HNF4A: variants seen among roughly 807,000 people sequenced by gnomAD.
The protein encoded by HNF4A is hepatocyte nuclear factor 4-alpha.
HNF4A carries 15 observed loss-of-function variants against 52.4 expected under a neutral mutation model. The ratio of observed to expected loss-of-function variants is 0.29; its 90% CI spans 0.19 to 0.44. The LOEUF (loss-of-function observed/expected upper bound fraction) is 0.44, where lower values mean the gene tolerates loss of function less well. Ranked by LOEUF, HNF4A falls within the 20% of genes least tolerant of loss-of-function variation. HNF4A has a pLI of 1.00. For missense variants in HNF4A, 479 were observed against 647.2 expected, an observed-to-expected ratio of 0.74 and a Z score of 2.82; for synonymous variants, 280 against 264.4, an observed-to-expected ratio of 1.06 and a Z score of -0.57.
In HNF4A at chr20:44,420,480, T is replaced by A. The variant is rs180915059; in HGVS notation, c.892+604T>A. Reference sequence around the variant, plus strand: ...TTTGCTTCTTTTCCTCAAAAAAATTTATCAAAATAATATCTAGAACCGGAT... The same window carrying A: ...TTTGCTTCTTTTCCTCAAAAAAATTAATCAAAATAATATCTAGAACCGGAT... On this transcript the variant is annotated intron_variant, in intron 7 of 9. Coordinates refer to ENST00000316099, the MANE Select transcript of HNF4A (RefSeq NM_000457.6). 5.9e-5 allele frequency among the ~76,000 whole-genome samples: 9 copies of A among 151,616 alleles called. No homozygotes were observed. In the East Asian group the frequency reaches 1.6e-3, roughly 27 times the overall value.
chr20:44,421,638 C>A (rs890689781), intron 7 of HNF4A, among the ~76,000 whole-genome samples: 1 of 151,824 alleles, frequency 6.6e-6, no homozygotes, highest in African/African-American at 2.4e-5. Flanking sequence ...CCTGTAATCC[C>A]AGCTACTCAG....
At position 44,432,811 on chromosome 20, in the gene HNF4A, TATAAAACAAA is replaced by T. The variant is rs2063894289; in HGVS notation, c.*3152_*3161del. The T allele has an allele frequency of 6.6e-6, 1 of 152,192 alleles. No individual in the cohort carries two copies. Among genetic ancestry groups the T allele is most frequent in the African/African-American group, 2.4e-5 (1 of 41,452 alleles). The allele number at this position is 152,192 out of a possible 1,614,324, so 9.4% of individuals were successfully genotyped here. A position where few individuals can be genotyped will look rare whatever the true frequency, so the allele number is the denominator to read the frequency against. ...ACTCTTCTGTGTTTTAACAAAAGTT[TATAAAACAAA>T]ATAAATGGCGCATATGTTTTCTAAG... On this transcript the variant is annotated 3_prime_UTR_variant, in exon 10 of 10. Transcript: ENST00000316099.
At chr20:44,369,257 A>AAAAC (rs1257200520) in intron 1 of HNF4A, among the ~76,000 whole-genome samples, 8 of 146,124 alleles carry the variant, frequency 5.5e-5, no homozygotes, top group African/African-American at 1.8e-4. Flanking sequence ...CTCAAAAAAA[A>AAAAC]AAAAAAAAAA....
intron 3 of HNF4A, among the ~76,000 whole-genome samples, chr20:44,409,516 G>C (rs2063550841): frequency 6.6e-6 from 1 of 152,214 alleles, no homozygotes; most frequent in Admixed American, 6.5e-5. Flanking sequence ...CTCTCTCACA[G>C]TGAAAGTTCA....
upstream of HNF4A, among the ~76,000 whole-genome samples, chr20:44,400,141 C>G (rs2063389566): frequency 6.6e-6 from 1 of 152,176 alleles, no homozygotes; most frequent in African/African-American, 2.4e-5. Context: ...CCGTCCAAAA[C>G]AAAAATGCAC....
chr20:44,423,713 G>T (rs541890640), intron 7 of HNF4A, among the ~76,000 whole-genome samples: 32 of 152,314 alleles, frequency 2.1e-4, no homozygotes, highest in African/African-American at 7.5e-4. Context: ...GGGTTTCCCC[G>T]TGTGTAAGAT....
At chr20:44,358,637 CAA>C (rs1181190162) in intron 1 of HNF4A, among the ~76,000 whole-genome samples, 1 of 150,054 alleles carries the variant, frequency 6.7e-6, no homozygotes, top group East Asian at 2.0e-4. Context: ...AACAAAAAAA[CAA>C]AAAACAAACA....
upstream of HNF4A, chr20:44,401,178 C>A (rs185531126): frequency 9.8e-5 from 144 of 1,467,316 alleles, no homozygotes; most frequent in African/African-American, 1.8e-3. Flanking sequence ...TAACCATTAA[C>A]CCCCACCCCT....
chr20:44,405,951 C>T, intron 1 of HNF4A, 107 bp from the exon 2 acceptor site: 4 of 1,085,700 alleles, frequency 3.7e-6, no homozygotes, highest in Non-Finnish European at 2.8e-6. Flanking sequence ...GGGAACAGCC[C>T]CCAGATCTGG....
chr20:44,426,050 C>T (rs984873991), intron 8 of HNF4A, among the ~76,000 whole-genome samples: 38 of 152,044 alleles, frequency 2.5e-4, no homozygotes, highest in African/African-American at 7.7e-4. Flanking sequence ...TGCTCAAGCA[C>T]AAGATTAAAG....
rs1392553735 is a variant in HNF4A, at chr20:44,429,716, G to A, written c.*51G>A. ...ACTGGCTCCCCCCAGCCCCCTAAGAGAGCACCTGGTGATCACGTGGTCACG... is the reference window on the plus strand; with the variant it reads ...ACTGGCTCCCCCCAGCCCCCTAAGAAAGCACCTGGTGATCACGTGGTCACG... On this transcript the variant is annotated 3_prime_UTR_variant, in exon 10 of 10. Coordinates refer to ENST00000316099, the MANE Select transcript of HNF4A (RefSeq NM_000457.6). The A allele has an allele frequency of 6.3e-7, 1 of 1,583,872 alleles. No homozygotes were observed. Among genetic ancestry groups the A allele is most frequent in the South Asian group, 1.1e-5 (1 of 90,442 alleles).
intron 1 of HNF4A, among the ~76,000 whole-genome samples, chr20:44,363,461 T>A (rs981045596): frequency 2.6e-5 from 4 of 152,080 alleles, no homozygotes; most frequent in African/African-American, 9.7e-5. Flanking sequence ...GGCTGGAGAC[T>A]AAGGACAAGG....
Position 44,425,144 on chromosome 20 carries a change from G to C in HNF4A, c.1129+890G>C, listed in dbSNP as rs183200007. Among the ~76,000 whole-genome samples, 22 of 152,206 alleles carry C rather than the reference G, an allele frequency of 1.4e-4. No homozygotes were observed. In the East Asian group the frequency reaches 4.2e-3, roughly 29 times the overall value. On this transcript the variant is annotated intron_variant, in intron 8 of 9. Transcript: ENST00000316099. ...TTACAGGCGCCCGCCACCACGCCCT[G>C]CTCATTTTTTTATATTTTTAGTAAA...
intron 1 of HNF4A, among the ~76,000 whole-genome samples, chr20:44,370,994 C>T (rs1276932490): frequency 3.3e-5 from 5 of 152,196 alleles, no homozygotes; most frequent in Admixed American, 2.6e-4. Context: ...GTTGTCAAAA[C>T]AGGCATGACG....
chr20:44,401,774 C>T (rs1355171229), intron 1 of HNF4A, among the ~76,000 whole-genome samples: 1 of 152,222 alleles, frequency 6.6e-6, no homozygotes, highest in African/African-American at 2.4e-5. Flanking sequence ...AGTGGCTCTG[C>T]TTGGCGCTTG....
chr20:44,418,038 T>C (rs575268005), intron 5 of HNF4A, among the ~76,000 whole-genome samples: 1 of 151,612 alleles, frequency 6.6e-6, no homozygotes, highest in Admixed American at 6.6e-5. Flanking sequence ...AGCTGGTCCA[T>C]GGGTGGGAAT....
intron 1 of HNF4A, among the ~76,000 whole-genome samples, chr20:44,362,881 G>A (rs980879706): frequency 6.9e-6 from 1 of 145,618 alleles, no homozygotes; most frequent in African/African-American, 2.6e-5. Flanking sequence ...TTGCTCTGCT[G>A]CCCAGGCTGG....
At chr20:44,412,197 A>C (rs571537196) in intron 3 of HNF4A, among the ~76,000 whole-genome samples, 12 of 152,214 alleles carry the variant, frequency 7.9e-5, no homozygotes, top group Non-Finnish European at 1.6e-4. Flanking sequence ...AGAGGGATGG[A>C]GTTTTGGCCT....
intron 1 of HNF4A, among the ~76,000 whole-genome samples, chr20:44,368,160 A>ATATATATATATATATTTTTTTTTTT (rs1200638153): frequency 3.6e-5 from 1 of 27,780 alleles, no homozygotes; most frequent in African/African-American, 1.5e-4. Flanking sequence ...ATATATATAT[A>ATATATATATATATATTTTTTTTTTT]TTTTTTTTTT....
Sources: gnomAD v4.1 joint callset for allele counts (sites outside exome capture counted in the v4.1 genomes callset) on GRCh38, gnomAD v4.1.1 for gene constraint, MANE v1.5 for transcripts, NCBI Gene and HGNC (gene_info 2026-07-23, HGNC 2026-07-21) for gene names.